PACRG: variants seen among roughly 807,000 people sequenced by gnomAD.
PACRG encodes the protein parkin coregulated gene protein.
PACRG carries 29 observed loss-of-function variants against 29.7 expected under a neutral mutation model. The ratio of observed to expected loss-of-function variants is 0.98; its 90% CI spans 0.73 to 1.33. The LOEUF (loss-of-function observed/expected upper bound fraction) is 1.33. Among genes scored for constraint, PACRG ranks in the 40% most tolerant of loss-of-function variants. The pLI, the probability that PACRG is intolerant of heterozygous loss-of-function variation, is 0.00. For missense variants in PACRG, 279 were observed against 316.2 expected (o/e 0.88, Z 0.89); for synonymous variants, 116 against 118.7 (o/e 0.98, Z 0.15).
At chr6:162,924,228 A>G (rs1291378271) in intron 2 of PACRG, among the ~76,000 whole-genome samples, 1 of 151,950 alleles carries the variant, frequency 6.6e-6, no homozygotes, top group Admixed American at 6.6e-5. Flanking sequence ...TGTTGTTTGT[A>G]TGTGGATTTG....
chr6:162,800,454 G>A lies in PACRG; in HGVS notation c.157-13693G>A, dbSNP rs537196382. Among the ~76,000 whole-genome samples, 3 of 152,206 alleles carry A rather than the reference G, an allele frequency of 2.0e-5. No individual in the cohort carries two copies. In the South Asian group the frequency reaches 6.2e-4, roughly 32 times the overall value. On this transcript the variant is annotated intron_variant, in intron 1 of 4. Coordinates refer to ENST00000366888, the MANE Select transcript of PACRG (RefSeq NM_001080379.2). Reference sequence around the variant, plus strand: ...GAAATGAAATATTGCTTCCAAATGTGCCACAGTTTATCTATAAATTTTGAA... The same window carrying A: ...GAAATGAAATATTGCTTCCAAATGTACCACAGTTTATCTATAAATTTTGAA...
chr6:163,302,426 A>G (rs1443782797), intron 4 of PACRG, among the ~76,000 whole-genome samples: 1 of 152,230 alleles, frequency 6.6e-6, no homozygotes, highest in African/African-American at 2.4e-5. Context: ...GTAGAAGCTG[A>G]TAAAGGCTGA....
chr6:163,260,980 A>T (rs182826725), intron 4 of PACRG, among the ~76,000 whole-genome samples: 1 of 152,202 alleles, frequency 6.6e-6, no homozygotes, highest in Non-Finnish European at 1.5e-5. Context: ...ATGCATTGTC[A>T]TCGTTAGCAA....
chr6:163,100,493 G>A (rs986305632), intron 4 of PACRG, among the ~76,000 whole-genome samples: 2 of 152,110 alleles, frequency 1.3e-5, no homozygotes, highest in African/African-American at 2.4e-5. Context: ...CAGCCACCGC[G>A]CCCTCCAAGG....
chr6:162,927,830 C>CA (rs1051156222), intron 2 of PACRG, among the ~76,000 whole-genome samples: 5 of 151,890 alleles, frequency 3.3e-5, no homozygotes, highest in East Asian at 1.9e-4. Context: ...AACAAACAAA[C>CA]AAAAAAATGA....
intron 4 of PACRG, among the ~76,000 whole-genome samples, chr6:163,133,332 CTG>C (rs1816807914): frequency 6.6e-6 from 1 of 152,158 alleles, no homozygotes; most frequent in East Asian, 1.9e-4. Flanking sequence ...ATAAGTGGAA[CTG>C]AATTTTAATC....
intron 4 of PACRG, among the ~76,000 whole-genome samples, chr6:163,240,633 A>G (rs546830064): frequency 6.6e-6 from 1 of 152,138 alleles, no homozygotes; most frequent in East Asian, 1.9e-4. Context: ...CCCAGACCTC[A>G]CGCTCCTAAA....
upstream of PACRG, chr6:162,727,415 A>G (rs1022575809): frequency 8.3e-6 from 4 of 481,022 alleles, no homozygotes; most frequent in Non-Finnish European, 1.5e-5. Flanking sequence ...GTCCCCGTCG[A>G]GGCGGTCTTC....
intron 3 of PACRG, among the ~76,000 whole-genome samples, chr6:163,066,653 G>A (rs568041): frequency 0.49 from 74,674 of 152,082 alleles, 21,023 homozygotes; most frequent in East Asian, 0.94. Flanking sequence ...CAAAAGCTGA[G>A]TAGACAGCAA....
rs556295027 is a variant in PACRG at position 162,830,836 on chromosome 6, C to T, written c.291+16555C>T. ...GAGGACTGAGACATCCTGAGACATC[C>T]CTTCTAGCTGCTGCTGGAACCTTCT... is the stretch of plus-strand genomic sequence containing the variant. On this transcript the variant is annotated intron_variant, in intron 2 of 4. Coordinates refer to ENST00000366888, the MANE Select transcript of PACRG (RefSeq NM_001080379.2). Among the ~76,000 whole-genome samples, 5 of 152,282 alleles carry T rather than the reference C, an allele frequency of 3.3e-5. 1 individual carries two copies. The highest frequency in any genetic ancestry group is 1.2e-4 in the African/African-American group (5 of 41,564).
At chr6:162,858,130 T>C (rs752211140) in intron 2 of PACRG, among the ~76,000 whole-genome samples, 17 of 152,228 alleles carry the variant, frequency 1.1e-4, no homozygotes, top group Admixed American at 2.6e-4. Context: ...TAGTTTGTTT[T>C]CACACTGCTA....
At chr6:162,799,458 G>A (rs9456812) in intron 1 of PACRG, among the ~76,000 whole-genome samples, 81,419 of 151,890 alleles carry the variant, frequency 0.54, 23,052 homozygotes, top group African/African-American at 0.73. Flanking sequence ...TTCCAGTTAA[G>A]TTGTAGTAAG....
rs1794537695 is a variant in PACRG, at chr6:162,888,654, C to A, written c.291+74373C>A. Among the ~76,000 whole-genome samples the A allele has an allele frequency of 2.0e-5, 3 of 152,136 alleles. No homozygotes were observed. The South Asian group carries it at 6.2e-4, about 32-fold the overall frequency. On this transcript the variant is annotated intron_variant, in intron 2 of 4. Coordinates refer to ENST00000366888, the MANE Select transcript of PACRG (RefSeq NM_001080379.2). Reference sequence around the variant, plus strand: ...AGGTGGAGAGAAAAGGCGATCAGAGCAGAGTCCCTTTCTGAAGACACACTT... The same window carrying A: ...AGGTGGAGAGAAAAGGCGATCAGAGAAGAGTCCCTTTCTGAAGACACACTT...
intron 3 of PACRG, among the ~76,000 whole-genome samples, chr6:163,069,285 C>CAAAAAAAAAA: frequency 1.1e-5 from 1 of 94,396 alleles, no homozygotes. Context: ...ATGAACTCAC[C>CAAAAAAAAAA]AAAAAAAAAA....
intron 3 of PACRG, among the ~76,000 whole-genome samples, chr6:163,066,366 C>T (rs1811543764): frequency 6.6e-6 from 1 of 152,184 alleles, no homozygotes; most frequent in African/African-American, 2.4e-5. Flanking sequence ...CTCTGTCCTT[C>T]ATCCAGAAGG....
chr6:163,267,946 T>G (rs1471979846), intron 4 of PACRG, among the ~76,000 whole-genome samples: 1 of 152,250 alleles, frequency 6.6e-6, no homozygotes, highest in African/African-American at 2.4e-5. Flanking sequence ...GAAGAATTTA[T>G]AACTAACAGA....
intron 4 of PACRG, among the ~76,000 whole-genome samples, chr6:163,121,055 A>G (rs749149937): frequency 2.0e-5 from 3 of 152,238 alleles, no homozygotes; most frequent in Admixed American, 6.5e-5. Flanking sequence ...CAAAGTCATA[A>G]CATAACAACA....
intron 4 of PACRG, among the ~76,000 whole-genome samples, chr6:163,275,335 T>C (rs1783988088): frequency 6.6e-6 from 1 of 152,202 alleles, no homozygotes; most frequent in Non-Finnish European, 1.5e-5. Flanking sequence ...CCAAAGCTTT[T>C]CATATGTATG....
At chr6:163,153,900 C>A (rs1020982275) in intron 4 of PACRG, among the ~76,000 whole-genome samples, 1 of 152,146 alleles carries the variant, frequency 6.6e-6, no homozygotes, top group Admixed American at 6.5e-5. Context: ...ATGTAAGGCT[C>A]TGTGGGGTGA....
Sources: gnomAD v4.1 joint callset for allele counts (sites outside exome capture counted in the v4.1 genomes callset) on GRCh38, gnomAD v4.1.1 for gene constraint, MANE v1.5 for transcripts, NCBI Gene and HGNC (gene_info 2026-07-23, HGNC 2026-07-21) for gene names.